The following SLC22A23 variants were observed in gnomAD, a reference collection of about 807,000 sequenced individuals.
The protein encoded by SLC22A23 is ion transporter protein.
In SLC22A23, 26 loss-of-function variants were observed where a neutral mutation model predicts 61.0. The observed-to-expected ratio is 0.43, with a 90% CI of 0.31 to 0.59. The LOEUF is 0.59. SLC22A23 is among the 20% of genes least tolerant of loss of function. The pLI is 0.11. For missense variants in SLC22A23, 796 were observed against 934.7 expected, an observed-to-expected ratio of 0.85 and a Z score of 1.94; for synonymous variants, 430 against 413.9, an observed-to-expected ratio of 1.04 and a Z score of -0.47.
chr6:3,323,791 G>C (rs1006012994), intron 4 of SLC22A23, 43 bp downstream of exon 4: 2 of 1,574,640 alleles, frequency 1.3e-6, no homozygotes, highest in Non-Finnish European at 1.7e-6. Context: ...CAGGAAGCAT[G>C]TGCAGTCGCA....
intron 3 of SLC22A23, among the ~76,000 whole-genome samples, chr6:3,407,169 T>A (rs770579672): frequency 2.1e-4 from 32 of 152,298 alleles, no homozygotes; most frequent in Non-Finnish European, 2.9e-4. Context: ...ATAATCAATG[T>A]CCCAAAGTTT....
Position 3,342,873 on chromosome 6 carries a change from CAG to C in SLC22A23, c.914-18873_914-18872del, listed in dbSNP as rs1415428738. 6.6e-6 allele frequency among the ~76,000 whole-genome samples: 1 copy of C among 152,044 alleles called. No individual in the cohort carries two copies. The highest frequency in any genetic ancestry group is 1.5e-5 in the Non-Finnish European group (1 of 68,022). ...CGGCAGGAGAGTGCAAAAAATGGCT[CAG>C]AGAAGAGGTTGGAATTTGGGGCTTT... On this transcript the variant is annotated intron_variant, in intron 3 of 9. Coordinates refer to ENST00000406686, the MANE Select transcript of SLC22A23 (RefSeq NM_015482.2). This position sits in a 1 kb window ranked among gnomAD's most constrained non-coding sequence, Gnocchi z 4.0.
chr6:3,334,120 C>T (rs1011177548), intron 3 of SLC22A23, among the ~76,000 whole-genome samples: 1 of 152,158 alleles, frequency 6.6e-6, no homozygotes, highest in African/African-American at 2.4e-5. Context: ...TTTATAACAC[C>T]TATTGGCCTA....
chr6:3,400,114 G>A (rs749094010), intron 3 of SLC22A23, among the ~76,000 whole-genome samples: 1 of 152,204 alleles, frequency 6.6e-6, no homozygotes, highest in Non-Finnish European at 1.5e-5. Context: ...CTGACCTCAA[G>A]TGATCCACCC....
intron 1 of SLC22A23, chr6:3,444,684 C>G: frequency 1.6e-6 from 1 of 631,326 alleles, no homozygotes; most frequent in Admixed American, 6.3e-5. Context: ...ATCCCGGCCT[C>G]TCTCTGAGCC....
intron 3 of SLC22A23, among the ~76,000 whole-genome samples, chr6:3,400,570 G>A (rs1332457706): frequency 6.6e-6 from 1 of 152,234 alleles, no homozygotes; most frequent in Non-Finnish European, 1.5e-5. Context: ...CATCTGGTCA[G>A]CCACCTGCCC....
chr6:3,337,802 C>G (rs530594306), intron 3 of SLC22A23, among the ~76,000 whole-genome samples: 6 of 152,358 alleles, frequency 3.9e-5, no homozygotes, highest in Admixed American at 3.9e-4. Flanking sequence ...GGAACAAGAT[C>G]AGGAAGTTGT....
rs182328118 is a variant in SLC22A23 at position 3,375,361 on chromosome 6, T to C, written c.913+34827A>G. On this transcript the variant is annotated intron_variant, in intron 3 of 9. Transcript: ENST00000406686. The stretch of plus-strand genomic sequence containing the variant: ...ATTCTCATGATTATATCTGACAACA[T>C]TCAGTGTTTTGAAATGGAATGTCAG... 2.6e-3 allele frequency among the ~76,000 whole-genome samples: 389 copies of C among 152,338 alleles called. 2 individuals are homozygous for C. Among genetic ancestry groups the C allele is most frequent in the Non-Finnish European group, 4.9e-3 (333 of 68,038 alleles).
At chr6:3,315,053 C>G (rs1459520922) in intron 4 of SLC22A23, among the ~76,000 whole-genome samples, 1 of 152,180 alleles carries the variant, frequency 6.6e-6, no homozygotes, top group Non-Finnish European at 1.5e-5. Flanking sequence ...CACATTCAGC[C>G]TTTTGCGTTT....
Position 3,454,592 on chromosome 6 carries a change from C to T in SLC22A23, c.654+1314G>A, listed in dbSNP as rs946845511. Among the ~76,000 whole-genome samples the T allele has an allele frequency of 6.6e-6, 1 of 152,136 alleles. No homozygotes were observed. The highest frequency in any genetic ancestry group is 1.5e-5 in the Non-Finnish European group (1 of 68,022). On this transcript the variant is annotated intron_variant, in intron 1 of 9. Coordinates refer to ENST00000406686, the MANE Select transcript of SLC22A23 (RefSeq NM_015482.2). The surrounding 1 kb of genome is among the most constrained non-coding windows in gnomAD (Gnocchi z 4.3). ...AAACCAACAAAGAAATATTGCCCTC[C>T]GTGAAGGGAAAACAGTCACAGAAAC...
At chr6:3,367,978 G>A (rs59146729) in intron 3 of SLC22A23, among the ~76,000 whole-genome samples, 6 of 152,270 alleles carry the variant, frequency 3.9e-5, no homozygotes, top group Admixed American at 2.0e-4. Flanking sequence ...ATCTCTCTGC[G>A]TCTTCACCAG....
intron 3 of SLC22A23, among the ~76,000 whole-genome samples, chr6:3,346,179 A>T (rs1262611275): frequency 6.6e-6 from 1 of 152,242 alleles, no homozygotes; most frequent in East Asian, 1.9e-4. Context: ...CTCTCTTTGA[A>T]TGTGCACGAT....
chr6:3,404,650 C>T (rs570357223), intron 3 of SLC22A23, among the ~76,000 whole-genome samples: 1 of 152,300 alleles, frequency 6.6e-6, no homozygotes, highest in South Asian at 2.1e-4. Flanking sequence ...CCTAACTGGC[C>T]ACCACAGCAT....
chr6:3,432,416 T>C (rs907147087), intron 1 of SLC22A23: 2 of 985,074 alleles, frequency 2.0e-6, no homozygotes, highest in African/African-American at 3.5e-5. Flanking sequence ...GAACCAATCT[T>C]CCTTGCTGTT....
At chr6:3,295,120 T>C (rs1378547723) in intron 5 of SLC22A23, among the ~76,000 whole-genome samples, 1 of 152,236 alleles carries the variant, frequency 6.6e-6, no homozygotes, top group Non-Finnish European at 1.5e-5. Flanking sequence ...CACAGAAGTG[T>C]CTGGCTCTAC....
In SLC22A23 at chr6:3,286,467, T is replaced by A. The variant is rs1760016853; in HGVS notation, c.1546+392A>T. On this transcript the variant is annotated intron_variant, in intron 7 of 9. Transcript: ENST00000406686. The surrounding 1 kb of genome is among the most constrained non-coding windows in gnomAD (Gnocchi z 4.2). ...AGAAGCTGATGAACTCGGGAACATCTGCTGAAAAGCAGGGCCCTAATGCAA... is the reference window on the plus strand; with the variant it reads ...AGAAGCTGATGAACTCGGGAACATCAGCTGAAAAGCAGGGCCCTAATGCAA... Among the ~76,000 whole-genome samples, 1 of 152,248 alleles carries A rather than the reference T, an allele frequency of 6.6e-6. No individual in the cohort carries two copies. The highest frequency in any genetic ancestry group is 1.5e-5 in the Non-Finnish European group (1 of 68,040).
intron 3 of SLC22A23, among the ~76,000 whole-genome samples, chr6:3,363,379 C>T (rs1254252215): frequency 6.6e-6 from 1 of 152,220 alleles, no homozygotes; most frequent in East Asian, 1.9e-4. Flanking sequence ...CAGAACAGGA[C>T]CTAAGACAGG....
chr6:3,374,424 G>C (rs963300465), intron 3 of SLC22A23, among the ~76,000 whole-genome samples: 17 of 152,172 alleles, frequency 1.1e-4, no homozygotes, highest in African/African-American at 3.9e-4. Context: ...GTAAATCCTG[G>C]AGAGTCAGAA....
At chr6:3,295,767 A>G (rs868327911) in intron 5 of SLC22A23, among the ~76,000 whole-genome samples, 2 of 152,180 alleles carry the variant, frequency 1.3e-5, no homozygotes, top group Non-Finnish European at 2.9e-5. Context: ...TGCCATCAAC[A>G]CATCTGACAG....
Sources: gnomAD v4.1 joint callset for allele counts (sites outside exome capture counted in the v4.1 genomes callset) on GRCh38, gnomAD v4.1.1 for gene constraint, Gnocchi (gnomAD v3.1) non-coding constraint, MANE v1.5 for transcripts, NCBI Gene and HGNC (gene_info 2026-07-23, HGNC 2026-07-21) for gene names.